Variants in CRLF2 observed in about 807,000 individuals in gnomAD.
CRLF2 encodes cytokine receptor-like factor 2.
Under a neutral mutation model 38.7 loss-of-function variants are expected in CRLF2, and 41 were observed. The ratio of observed to expected loss-of-function variants is 1.06; its 90% CI spans 0.83 to 1.37. CRLF2 has a LOEUF of 1.37. CRLF2 is among the 40% of genes most tolerant of loss of function. The probability of loss-of-function intolerance (pLI) is 0.00; values close to 1 mark genes in which losing one functional copy is unlikely to be tolerated. For missense variants in CRLF2, 377 were observed against 322.2 expected (o/e 1.17, Z -1.30); for synonymous variants, 140 against 128.8 (o/e 1.09, Z -0.59).
intron 5 of CRLF2, among the ~76,000 whole-genome samples, 187 bp downstream of exon 5, chrX:1,198,375 G>GGCAGTGGCT (rs2086534790): frequency 7.2e-6 from 1 of 138,478 alleles, no homozygotes; most frequent in Admixed American, 7.3e-5. Flanking sequence ...CTCCCGGGAA[G>GGCAGTGGCT]ATAGGACACC....
At chrX:1,210,102 TC>T (rs2086767983) in intron 1 of CRLF2, among the ~76,000 whole-genome samples, 9 of 31,940 alleles carry the variant, frequency 2.8e-4, no homozygotes, top group South Asian at 1.1e-3. Flanking sequence ...AGACTCCCTA[TC>T]AAAAAAAAAA....
rs186946482 is a variant in CRLF2, at chrX:1,199,336, G to T, written c.484-612C>A. Among the ~76,000 whole-genome samples the T allele has an allele frequency of 8.0e-3, 1,215 of 151,690 alleles. 13 individuals are homozygous for T. Among genetic ancestry groups the T allele is most frequent in the Middle Eastern group, 0.021 (6 of 292 alleles). On this transcript the variant is annotated intron_variant, in intron 4 of 7. Coordinates refer to ENST00000400841, the MANE Select transcript of CRLF2 (RefSeq NM_022148.4). ...TATTTATTTACTGAGACAGAGTCTT[G>T]CTCTGTTGCCCAGGCTGGAGTGCAG...
chrX:1,196,943 G>T, intron 5 of CRLF2, 43 bp from the exon 6 acceptor site: 21 of 1,594,824 alleles, frequency 1.3e-5, no homozygotes, highest in Non-Finnish European at 1.7e-5. Context: ...TCAACATGAC[G>T]TGCGGCTGTA....
intron 6 of CRLF2, 145 bp from the exon 7 acceptor site, chrX:1,193,447 G>C (rs1176836942): frequency 5.1e-6 from 2 of 393,736 alleles, no homozygotes; most frequent in African/African-American, 4.1e-5. Context: ...GTCTCCTCCC[G>C]CTCCCCAGGG....
intron 4 of CRLF2, among the ~76,000 whole-genome samples, chrX:1,200,231 C>T (rs142130028): frequency 0.01 from 1,495 of 149,428 alleles, 27 homozygotes; most frequent in African/African-American, 0.034. Flanking sequence ...TGTGTGTATA[C>T]GTGTGTATAA....
chrX:1,197,916 C>T (rs372543887), intron 5 of CRLF2, among the ~76,000 whole-genome samples: 3 of 152,132 alleles, frequency 2.0e-5, no homozygotes, highest in Non-Finnish European at 2.9e-5. Flanking sequence ...GCGGGAGAAT[C>T]GATTGAACGT....
intron 1 of CRLF2, 42 bp from the exon 2 acceptor site, chrX:1,208,950 CTA>C: frequency 9.2e-7 from 1 of 1,092,700 alleles, no homozygotes; most frequent in Non-Finnish European, 1.4e-6. Flanking sequence ...TGAGGCAACT[CTA>C]TTTTTTTATT....
intron 6 of CRLF2, among the ~76,000 whole-genome samples, chrX:1,194,700 G>C (rs1301748849): frequency 2.0e-5 from 3 of 152,048 alleles, no homozygotes; most frequent in Non-Finnish European, 4.4e-5. Context: ...GAGGTCACTA[G>C]GGAGGGTTCT....
intron 6 of CRLF2, 80 bp downstream of exon 6, chrX:1,196,700 G>T: frequency 1.3e-6 from 2 of 1,546,118 alleles, no homozygotes; most frequent in South Asian, 2.4e-5. Context: ...GACTCTATCA[G>T]GCGATTAATC....
intron 4 of CRLF2, among the ~76,000 whole-genome samples, chrX:1,199,315 T>G (rs1288412663): frequency 2.0e-5 from 3 of 151,600 alleles, no homozygotes; most frequent in African/African-American, 7.3e-5. Flanking sequence ...ATTATTTATT[T>G]ATTTACTGAG....
chrX:1,190,675 C>T lies in CRLF2; in HGVS notation c.*222G>A. On this transcript the variant is annotated 3_prime_UTR_variant, in exon 8 of 8. Coordinates refer to ENST00000400841, the MANE Select transcript of CRLF2 (RefSeq NM_022148.4). Reference sequence around the variant, plus strand: ...GTAAATCTCCTGGAGCAATTGGCTCCCATCTGCCATCAAGCCTTTGAACAC... The same window carrying T: ...GTAAATCTCCTGGAGCAATTGGCTCTCATCTGCCATCAAGCCTTTGAACAC... The T allele has an allele frequency of 5.0e-6, 2 of 397,110 alleles. No homozygotes were observed. Among genetic ancestry groups the T allele is most frequent in the Non-Finnish European group, 8.9e-6 (2 of 225,696 alleles). The allele number at this position is 397,110 out of a possible 1,614,324, so 24.6% of individuals were successfully genotyped here.
At chrX:1,208,280 C>A (rs1200013837) in intron 2 of CRLF2, among the ~76,000 whole-genome samples, 11 of 152,002 alleles carry the variant, frequency 7.2e-5, no homozygotes, top group Non-Finnish European at 1.0e-4. Flanking sequence ...ATTTTCAGTC[C>A]GGATGCCGTG....
rs1345580034 is a variant in CRLF2 at position 1,191,025 on chromosome X, G to A, written c.988C>T (p.Gln330Ter). Residue 330 changes from glutamine to a stop codon, truncating the protein, a stop_gained, in exon 8 of 8, where the codon CAG becomes TAG. Transcript: ENST00000400841. LOFTEE classifies it high-confidence loss of function. The part of the protein sequence containing the change: ...EAESPRMLDP[Q>*]TEEKEASGGS... ...CCAGAGGCCTCTTTCTCCTCGGTCT[G>A]TGGGTCCAGCATCCTGGGAGACTCG... is the stretch of plus-strand genomic sequence containing the variant. 4 of 398,606 alleles carry A rather than the reference G, an allele frequency of 1.0e-5. No individual in the cohort carries two copies. The highest frequency in any genetic ancestry group is 8.8e-5 in the Admixed American group (2 of 22,708). The allele number at this position is 398,606 out of a possible 1,614,324, so 24.7% of individuals were successfully genotyped here.
chrX:1,202,157 AATAG>A (rs1411897533), intron 4 of CRLF2, among the ~76,000 whole-genome samples: 3 of 152,022 alleles, frequency 2.0e-5, no homozygotes, highest in African/African-American at 7.3e-5. Context: ...TAGATAGATA[AATAG>A]ATTGATAGAC....
At position 1,208,869 on chromosome X, in the gene CRLF2, T is replaced by C; in HGVS notation, c.119A>G (p.Glu40Gly). 1 of 1,612,462 alleles carries C rather than the reference T, an allele frequency of 6.2e-7. No homozygotes were observed. Among genetic ancestry groups the C allele is most frequent in the Non-Finnish European group, 8.5e-7 (1 of 1,178,498 alleles). Residue 40 changes from glutamate to glycine, a missense_variant, in exon 2 of 8, where the codon GAA (glutamate) becomes GGA (glycine). Physicochemically the swap from Glu to Gly is moderately conservative, Grantham distance 98 (BLOSUM62 -2). Transcript: ENST00000400841. ...VQIQIIYFNL[E>G]TVQVTWNASK... ...GGCATTCCATGTCACCTGCACGGTT[T>C]CTAAATTGAAGTAGATGATCTGAAT...
At chrX:1,202,633 C>A in intron 3 of CRLF2, 98 bp from the exon 4 acceptor site, 1 of 1,324,062 alleles carries the variant, frequency 7.6e-7, no homozygotes, top group Non-Finnish European at 1.0e-6. Flanking sequence ...CCCTCCTCCC[C>A]TTAATACCTT....
At chrX:1,192,765 T>TTTCTTTCTTTCTTTCC (rs1378137188) in intron 7 of CRLF2, among the ~76,000 whole-genome samples, 2 of 115,946 alleles carry the variant, frequency 1.7e-5, no homozygotes, top group Non-Finnish European at 3.5e-5. Context: ...TCTTTCTTTC[T>TTTCTTTCTTTCTTTCC]TTCCTTCCTT....
chrX:1,192,986 G>C (rs1374418965), intron 7 of CRLF2, among the ~76,000 whole-genome samples: 1 of 151,304 alleles, frequency 6.6e-6, no homozygotes, highest in African/African-American at 2.4e-5. Flanking sequence ...GCTAATCCTT[G>C]TATTTTTAGT....
intron 6 of CRLF2, among the ~76,000 whole-genome samples, chrX:1,196,506 A>C (rs1264898667): frequency 6.6e-6 from 1 of 151,866 alleles, no homozygotes; most frequent in Non-Finnish European, 1.5e-5. Context: ...TATTCTTAGT[A>C]GAGATGGGAT....
Sources: gnomAD v4.1 joint callset for allele counts (sites outside exome capture counted in the v4.1 genomes callset) on GRCh38, gnomAD v4.1.1 for gene constraint, MANE v1.5 for transcripts, NCBI Gene and HGNC (gene_info 2026-07-23, HGNC 2026-07-21) for gene names.